The following ZNF236 variants were observed in gnomAD, a reference collection of about 807,000 sequenced individuals.
ZNF236 encodes the protein regulated by glucose.
ZNF236 carries 50 observed loss-of-function variants against 191.2 expected under a neutral mutation model. That is an observed-to-expected ratio of 0.26 (90% CI 0.21 to 0.33). The LOEUF (loss-of-function observed/expected upper bound fraction) is 0.33. ZNF236 is among the 10% of genes least tolerant of loss of function. The pLI is 1.00. For synonymous variants in ZNF236, 907 were observed against 928.8 expected, an observed-to-expected ratio of 0.98 and a Z score of 0.43; for missense variants, 1,754 against 2,374.5, an observed-to-expected ratio of 0.74 and a Z score of 5.43.
In ZNF236 at chr18:76,875,787, C is replaced by A. The variant is rs1294944807; in HGVS notation, c.840+123C>A. ...AAATGCAGATTGATTTTGTGCCGAG[C>A]AGACCCTGTTTTAAAAAATACATAC... On this transcript the variant is annotated intron_variant, in intron 6 of 30. Transcript: ENST00000320610. This position sits in a 1 kb window ranked among gnomAD's most constrained non-coding sequence, Gnocchi z 4.3. 6.4e-6 allele frequency: 7 copies of A among 1,092,178 alleles called. No individual in the cohort carries two copies. Among genetic ancestry groups the A allele is most frequent in the Non-Finnish European group, 8.3e-6 (7 of 839,694 alleles). The allele number at this position is 1,092,178 out of a possible 1,614,324, so 67.7% of individuals were successfully genotyped here.
At chr18:76,826,901 G>GT (rs1482844532) in intron 1 of ZNF236, among the ~76,000 whole-genome samples, 1 of 150,624 alleles carries the variant, frequency 6.6e-6, no homozygotes, top group Non-Finnish European at 1.5e-5. Context: ...TTTTGTTTTT[G>GT]TTTTTGTTTT....
chr18:76,868,807 A>G lies in ZNF236; in HGVS notation c.486A>G (p.Lys162=). The part of the protein sequence containing the change: ...TRQHACKACK[K]EFETSSELKE... ...AGCATGCCTGCAAGGCCTGCAAGAA[A>G]GAGTTCGAGACCTCCTCGGAGCTGA... The change falls in exon 4 of 31, where the codon AAA becomes AAG. Residue 162 remains lysine (K), a synonymous_variant. Transcript: ENST00000320610. The G allele has an allele frequency of 6.2e-7, 1 of 1,613,790 alleles. No individual in the cohort carries two copies. The highest frequency in any genetic ancestry group is 1.3e-5 in the African/African-American group (1 of 75,074).
intron 3 of ZNF236, among the ~76,000 whole-genome samples, chr18:76,867,851 C>G (rs979538406): frequency 3.9e-5 from 6 of 152,050 alleles, no homozygotes; most frequent in Non-Finnish European, 8.8e-5. Flanking sequence ...GGCAACACAC[C>G]CAAACTAGCA....
At position 76,920,342 on chromosome 18, in the gene ZNF236, G is replaced by A. The variant is rs554200589; in HGVS notation, c.3557+284G>A. Among the ~76,000 whole-genome samples the A allele has an allele frequency of 8.5e-5, 13 of 152,194 alleles. No homozygotes were observed. In the East Asian group the frequency reaches 2.5e-3, roughly 29 times the overall value. ...GAGGCGGGAGGATCACCTGAGGTTG[G>A]GAGTTTGAGACCAGCCTGACCAACA... is the stretch of plus-strand genomic sequence containing the variant. On this transcript the variant is annotated intron_variant, in intron 20 of 30. Coordinates refer to ENST00000320610, the MANE Select transcript of ZNF236 (RefSeq NM_001306089.2).
At chr18:76,908,178 C>T (rs2122754955) in intron 13 of ZNF236, 142 bp from the exon 14 acceptor site, 1 of 1,142,460 alleles carries the variant, frequency 8.8e-7, no homozygotes, top group Non-Finnish European at 1.2e-6. Flanking sequence ...TCAGTTTTTA[C>T]CTGAATTGCC....
chr18:76,891,888 T>C (rs1206000863), intron 9 of ZNF236, among the ~76,000 whole-genome samples: 1 of 152,206 alleles, frequency 6.6e-6, no homozygotes, highest in Admixed American at 6.5e-5. Flanking sequence ...GAGTGTACTT[T>C]GATAACTAGA....
At chr18:76,955,933 T>C (rs1459491131) in intron 27 of ZNF236, 52 bp from the exon 28 acceptor site, 1 of 1,565,478 alleles carries the variant, frequency 6.4e-7, no homozygotes, top group African/African-American at 1.3e-5. Flanking sequence ...GTTCACAAAC[T>C]GCACAAATCA....
Position 76,927,596 on chromosome 18 carries a change from A to T in ZNF236, c.4414+79A>T. On this transcript the variant is annotated intron_variant, in intron 24 of 30. Transcript: ENST00000320610. This position sits in a 1 kb window ranked among gnomAD's most constrained non-coding sequence, Gnocchi z 5.4. ...TTGTGATTACATATTTGAATTTAGG[A>T]TGTTATGATGTCATTTTCTTCTCTT... 2 of 1,502,932 alleles carry T rather than the reference A, an allele frequency of 1.3e-6. No homozygotes were observed. The highest frequency in any genetic ancestry group is 2.3e-5 in the East Asian group (1 of 43,964). The allele number at this position is 1,502,932 out of a possible 1,614,324, so 93.1% of individuals were successfully genotyped here.
chr18:76,841,304 C>T (rs1975493470), intron 1 of ZNF236, among the ~76,000 whole-genome samples: 1 of 152,138 alleles, frequency 6.6e-6, no homozygotes, highest in South Asian at 2.1e-4. Context: ...AACCCCTGAC[C>T]TCAGATGATC....
chr18:76,850,370 A>G (rs769461814), intron 2 of ZNF236, among the ~76,000 whole-genome samples: 6 of 152,318 alleles, frequency 3.9e-5, no homozygotes, highest in African/African-American at 7.2e-5. Context: ...TGTAGCTATG[A>G]TAATATAATA....
chr18:76,854,811 CA>C (rs903929461), intron 3 of ZNF236, among the ~76,000 whole-genome samples: 137 of 152,218 alleles, frequency 9.0e-4, no homozygotes, highest in African/African-American at 3.1e-3. Context: ...TATAGAATGC[CA>C]TATGACATTC....
Position 76,875,003 on chromosome 18 carries a change from CTGT to C in ZNF236, c.668-484_668-482del, listed in dbSNP as rs969654099. 6.6e-6 allele frequency among the ~76,000 whole-genome samples: 1 copy of C among 152,128 alleles called. No homozygotes were observed. The highest frequency in any genetic ancestry group is 1.5e-5 in the Non-Finnish European group (1 of 68,040). ...TCAGACTTAAAGAGGGTCATTTTGT[CTGT>C]TGTTTTGAGAGCAGCCTAGGAAGGG... is the stretch of plus-strand genomic sequence containing the variant. On this transcript the variant is annotated intron_variant, in intron 5 of 30. Transcript: ENST00000320610. The surrounding 1 kb of genome is among the most constrained non-coding windows in gnomAD (Gnocchi z 4.3).
At chr18:76,945,652 C>T (rs754734945) in intron 26 of ZNF236, among the ~76,000 whole-genome samples, 29 of 152,156 alleles carry the variant, frequency 1.9e-4, no homozygotes, top group Non-Finnish European at 2.8e-4. Flanking sequence ...CCACACGTGG[C>T]GCATGCCTGT....
chr18:76,823,894 C>G (rs993480785), intron 1 of ZNF236, among the ~76,000 whole-genome samples: 1 of 152,228 alleles, frequency 6.6e-6, no homozygotes, highest in Admixed American at 6.5e-5. Context: ...CGAGTCTCCC[C>G]CTGCAGGCCT....
rs1435355445 is a variant in ZNF236, at chr18:76,919,456, A to G, written c.3275-320A>G. On this transcript the variant is annotated intron_variant, in intron 19 of 30. Transcript: ENST00000320610. The surrounding 1 kb of genome is among the most constrained non-coding windows in gnomAD (Gnocchi z 5.3). ...CTCTCCTGTAGCTACTTTGAAATAT[A>G]CATTGTTGTTAACTAGTCACCCTAC... 6.6e-6 allele frequency among the ~76,000 whole-genome samples: 1 copy of G among 152,168 alleles called. No individual in the cohort carries two copies. Among genetic ancestry groups the G allele is most frequent in the Non-Finnish European group, 1.5e-5 (1 of 68,034 alleles).
chr18:76,963,303 G>C (rs1312240257), intron 30 of ZNF236, among the ~76,000 whole-genome samples: 1 of 151,208 alleles, frequency 6.6e-6, no homozygotes, highest in African/African-American at 2.5e-5. Flanking sequence ...GATTTTGTCT[G>C]ATGTTTTTTC....
chr18:76,836,832 C>G (rs1446514432), intron 1 of ZNF236, among the ~76,000 whole-genome samples: 2 of 152,018 alleles, frequency 1.3e-5, no homozygotes, highest in Non-Finnish European at 2.9e-5. Context: ...CTGCCTTGGC[C>G]TCCCAAAGTG....
intron 1 of ZNF236, among the ~76,000 whole-genome samples, chr18:76,841,695 T>TTTC (rs1297182533): frequency 5.4e-5 from 5 of 93,156 alleles, no homozygotes; most frequent in Non-Finnish European, 1.0e-4. Context: ...TTTTTTTTTC[T>TTTC]TTTTTTTTTT....
intron 11 of ZNF236, among the ~76,000 whole-genome samples, chr18:76,901,534 G>A (rs541178312): frequency 2.0e-5 from 3 of 152,302 alleles, no homozygotes; most frequent in Admixed American, 2.0e-4. Context: ...CGAGGTGGGC[G>A]ATCACTCAAG....
Sources: gnomAD v4.1 joint callset for allele counts (sites outside exome capture counted in the v4.1 genomes callset) on GRCh38, gnomAD v4.1.1 for gene constraint, Gnocchi (gnomAD v3.1) non-coding constraint, MANE v1.5 for transcripts, NCBI Gene and HGNC (gene_info 2026-07-23, HGNC 2026-07-21) for gene names.